The following NRXN1 variants were observed in gnomAD, a reference collection of about 807,000 sequenced individuals.
NRXN1 encodes neurexin 1, also known as neurexin-1.
A neutral mutation model predicts 150.9 loss-of-function variants in NRXN1; 39 were observed. The ratio of observed to expected loss-of-function variants is 0.26; its 90% CI spans 0.20 to 0.34. The LOEUF is 0.34. Among genes scored for constraint, NRXN1 ranks in the 10% least tolerant of loss-of-function variants. The probability of loss-of-function intolerance (pLI) is 1.00; values close to 1 mark genes in which losing one functional copy is unlikely to be tolerated. For missense variants in NRXN1, 1,815 were observed against 1,949.9 expected (o/e 0.93, Z 1.30); for synonymous variants, 924 against 757.0 (o/e 1.22, Z -3.62).
rs141086084 is a variant in NRXN1 at position 51,005,683 on chromosome 2, C to T, written c.772+21819G>A. ...AAAATCTTATCACTATAGAGAATCA[C>T]CCAATTGCAAAAATAAACCATAAGA... On this transcript the variant is annotated intron_variant, in intron 2 of 22. Coordinates refer to ENST00000401669, the MANE Select transcript of NRXN1 (RefSeq NM_001330078.2). Among the ~76,000 whole-genome samples, 19 of 151,748 alleles carry T rather than the reference C, an allele frequency of 1.3e-4. No individual in the cohort carries two copies. In the East Asian group the frequency reaches 3.7e-3, roughly 30 times the overall value.
intron 21 of NRXN1, among the ~76,000 whole-genome samples, chr2:49,954,566 A>G (rs1674593163): frequency 6.6e-6 from 1 of 152,170 alleles, no homozygotes; most frequent in Admixed American, 6.6e-5. Context: ...ATTAAAGGAG[A>G]GAAAGAGAGA....
chr2:50,555,750 C>G lies in NRXN1; in HGVS notation c.1321-2725G>C, dbSNP rs573069171. Reference sequence around the variant, plus strand: ...TAAAATACAGCAGAATATGGTATTGCGGACCAATCTCATAAACTAATTACT... The same window carrying G: ...TAAAATACAGCAGAATATGGTATTGGGGACCAATCTCATAAACTAATTACT... On this transcript the variant is annotated intron_variant, in intron 8 of 22. Coordinates refer to ENST00000401669, the MANE Select transcript of NRXN1 (RefSeq NM_001330078.2). Among the ~76,000 whole-genome samples the G allele has an allele frequency of 7.9e-5, 12 of 152,228 alleles. No homozygotes were observed. The South Asian group carries it at 2.5e-3, about 32-fold the overall frequency.
At chr2:50,976,205 T>A (rs1386818448) in intron 2 of NRXN1, among the ~76,000 whole-genome samples, 2 of 151,582 alleles carry the variant, frequency 1.3e-5, no homozygotes, top group Non-Finnish European at 2.9e-5. Context: ...TTTTTTTTTT[T>A]TTTTCTTAGA....
At chr2:51,003,573 T>G (rs1700331341) in intron 2 of NRXN1, among the ~76,000 whole-genome samples, 2 of 151,950 alleles carry the variant, frequency 1.3e-5, no homozygotes, top group African/African-American at 2.4e-5. Flanking sequence ...GTGTAAGACA[T>G]GAAAGAAATT....
At chr2:49,930,643 T>C (rs1316788750) in intron 22 of NRXN1, among the ~76,000 whole-genome samples, 1 of 152,250 alleles carries the variant, frequency 6.6e-6, no homozygotes, top group African/African-American at 2.4e-5. Flanking sequence ...TCCAATAGTT[T>C]TGTCTTTTTT....
At chr2:50,890,421 G>C (rs1360188283) in intron 5 of NRXN1, among the ~76,000 whole-genome samples, 1 of 151,510 alleles carries the variant, frequency 6.6e-6, no homozygotes, top group African/African-American at 2.4e-5. Context: ...ATAATTAAAA[G>C]ACTGAAACTG....
At chr2:50,573,742 A>AAATAATAAT (rs3052541) in intron 8 of NRXN1, among the ~76,000 whole-genome samples, 26 of 148,166 alleles carry the variant, frequency 1.8e-4, no homozygotes, top group African/African-American at 5.7e-4. Flanking sequence ...AGATATTTGA[A>AAATAATAAT]AATAATAATA....
At chr2:50,427,879 T>C (rs571622381) in intron 17 of NRXN1, among the ~76,000 whole-genome samples, 24 of 152,204 alleles carry the variant, frequency 1.6e-4, no homozygotes, top group Admixed American at 2.6e-4. Flanking sequence ...TGCCTGACTT[T>C]AGAGAGAATC....
At chr2:50,329,534 G>A (rs1159519175) in intron 17 of NRXN1, among the ~76,000 whole-genome samples, 5 of 134,496 alleles carry the variant, frequency 3.7e-5, no homozygotes, top group African/African-American at 5.5e-5. Flanking sequence ...TCCACACTTC[G>A]TACACAATAC....
chr2:50,556,504 A>ATT (rs558387581), intron 8 of NRXN1, among the ~76,000 whole-genome samples: 1 of 134,178 alleles, frequency 7.5e-6, no homozygotes, highest in African/African-American at 2.8e-5. Flanking sequence ...GGGGACATTG[A>ATT]TTTTTTTTTT....
intron 5 of NRXN1, among the ~76,000 whole-genome samples, chr2:50,760,255 G>C (rs1194973717): frequency 2.0e-5 from 3 of 151,854 alleles, no homozygotes; most frequent in African/African-American, 7.2e-5. Context: ...CTTTTCATCA[G>C]TATAAGAGTC....
intron 17 of NRXN1, among the ~76,000 whole-genome samples, chr2:50,281,105 C>T (rs896498860): frequency 6.7e-6 from 1 of 149,260 alleles, no homozygotes; most frequent in Non-Finnish European, 1.5e-5. Context: ...AAGATCGAGA[C>T]CATCCTGGCT....
chr2:50,023,336 T>A (rs945279219), intron 21 of NRXN1: 19 of 152,162 alleles, frequency 1.2e-4, no homozygotes, highest in African/African-American at 4.3e-4. Flanking sequence ...TGCAAATATG[T>A]GCTGTAAGAT....
At chr2:50,554,183 T>G (rs2105352204) in intron 8 of NRXN1, among the ~76,000 whole-genome samples, 2 of 152,212 alleles carry the variant, frequency 1.3e-5, no homozygotes, top group African/African-American at 4.8e-5. Context: ...TATACACACA[T>G]GTATGTTTTG....
rs567181214 is a variant in NRXN1 at position 50,213,129 on chromosome 2, A to G, written c.3546+23660T>C. 2.0e-4 allele frequency among the ~76,000 whole-genome samples: 30 copies of G among 151,958 alleles called. 1 individual carries two copies. The highest frequency in any genetic ancestry group is 7.2e-4 in the African/African-American group (30 of 41,526). ...TAGGAGGGTGCTGCACATTCTGGAG[A>G]TCCCAAGAGCTTTAATTTGAGAAAC... On this transcript the variant is annotated intron_variant, in intron 18 of 22. Coordinates refer to ENST00000401669, the MANE Select transcript of NRXN1 (RefSeq NM_001330078.2).
intron 21 of NRXN1, chr2:50,022,701 T>C (rs887218115): frequency 2.0e-5 from 3 of 152,208 alleles, no homozygotes; most frequent in Non-Finnish European, 2.9e-5. Context: ...CAAGTTTGTA[T>C]AAAAAAATCA....
intron 18 of NRXN1, among the ~76,000 whole-genome samples, chr2:50,160,659 C>A (rs1559000425): frequency 6.6e-6 from 1 of 151,802 alleles, no homozygotes; most frequent in African/African-American, 2.4e-5. Flanking sequence ...AAAGATTGCT[C>A]AAAAAAAGAC....
intron 17 of NRXN1, among the ~76,000 whole-genome samples, chr2:50,330,543 C>T (rs542804662): frequency 2.0e-5 from 3 of 152,132 alleles, no homozygotes; most frequent in East Asian, 3.9e-4. Context: ...CTTCCCCAAC[C>T]CAGAAGTTAG....
In NRXN1 at chr2:50,999,501, T is replaced by C. The variant is rs1699763331; in HGVS notation, c.772+28001A>G. ...AAGCACAATTCCAGGTACTCCCCCA[T>C]AGTTCCTCTTTTCAGGGAATTGTTG... On this transcript the variant is annotated intron_variant, in intron 2 of 22. Coordinates refer to ENST00000401669, the MANE Select transcript of NRXN1 (RefSeq NM_001330078.2). Among the ~76,000 whole-genome samples the C allele has an allele frequency of 2.6e-5, 4 of 152,046 alleles. No homozygotes were observed. The South Asian group carries it at 6.2e-4, about 24-fold the overall frequency.
Sources: gnomAD v4.1 joint callset for allele counts (sites outside exome capture counted in the v4.1 genomes callset) on GRCh38, gnomAD v4.1.1 for gene constraint, MANE v1.5 for transcripts, NCBI Gene and HGNC (gene_info 2026-07-23, HGNC 2026-07-21) for gene names.